The following KCNT2 variants were observed in gnomAD, a reference collection of about 807,000 sequenced individuals.
KCNT2 encodes the protein potassium channel subfamily T member 2.
A neutral mutation model predicts 153.8 loss-of-function variants in KCNT2; 67 were observed. The ratio of observed to expected loss-of-function variants is 0.44; its 90% CI spans 0.36 to 0.53. KCNT2 has a LOEUF of 0.53. Among genes scored for constraint, KCNT2 ranks in the 20% least tolerant of loss-of-function variants. KCNT2 has a pLI of 0.00. For missense variants in KCNT2, 975 were observed against 1,354.8 expected, an observed-to-expected ratio of 0.72 and a Z score of 4.40; for synonymous variants, 500 against 458.8, an observed-to-expected ratio of 1.09 and a Z score of -1.15.
At chr1:196,382,007 T>C (rs1669534029) in intron 13 of KCNT2, among the ~76,000 whole-genome samples, 1 of 152,120 alleles carries the variant, frequency 6.6e-6, no homozygotes, top group Non-Finnish European at 1.5e-5. Context: ...GCATATGTAT[T>C]AAGAGGATAT....
chr1:196,596,740 G>T (rs1558120921), intron 1 of KCNT2, among the ~76,000 whole-genome samples: 1 of 151,996 alleles, frequency 6.6e-6, no homozygotes. Context: ...TTGAGACAGG[G>T]TCTCGTGCTG....
At chr1:196,383,273 G>A (rs1669666348) in intron 13 of KCNT2, among the ~76,000 whole-genome samples, 2 of 152,316 alleles carry the variant, frequency 1.3e-5, no homozygotes, top group South Asian at 4.1e-4. Context: ...CATGCCATAT[G>A]TGATTCACCT....
chr1:196,478,884 C>T (rs1305566399), intron 5 of KCNT2, among the ~76,000 whole-genome samples: 2 of 152,024 alleles, frequency 1.3e-5, no homozygotes, highest in African/African-American at 2.4e-5. Context: ...GTGTACAAAT[C>T]AGAAAAAAAC....
intron 16 of KCNT2, among the ~76,000 whole-genome samples, chr1:196,335,656 C>T (rs186699856): frequency 2.6e-5 from 4 of 152,296 alleles, no homozygotes; most frequent in African/African-American, 9.6e-5. Context: ...AAGCTTCTTC[C>T]TCATTATAAT....
At chr1:196,556,894 T>C (rs769096488) in intron 1 of KCNT2, among the ~76,000 whole-genome samples, 5 of 151,358 alleles carry the variant, frequency 3.3e-5, no homozygotes, top group African/African-American at 1.2e-4. Context: ...AGACAAACAT[T>C]GCATGCTCTT....
chr1:196,386,483 C>T (rs1242215389), intron 13 of KCNT2, among the ~76,000 whole-genome samples: 3 of 152,044 alleles, frequency 2.0e-5, no homozygotes, highest in African/African-American at 7.2e-5. Flanking sequence ...TGTTGACTAC[C>T]ACTATTATTA....
At chr1:196,277,380 T>C (rs1197323513) in intron 25 of KCNT2, among the ~76,000 whole-genome samples, 1 of 152,136 alleles carries the variant, frequency 6.6e-6, no homozygotes, top group Non-Finnish European at 1.5e-5. Context: ...GTTGGTCAGT[T>C]TCCCTAAGAA....
At chr1:196,434,626 C>T (rs1158961281) in intron 8 of KCNT2, among the ~76,000 whole-genome samples, 1 of 151,924 alleles carries the variant, frequency 6.6e-6, no homozygotes, top group Non-Finnish European at 1.5e-5. Context: ...ATGAAGTCTT[C>T]ATATGTTCTA....
intron 26 of KCNT2, among the ~76,000 whole-genome samples, chr1:196,256,285 A>G (rs950645124): frequency 3.3e-5 from 5 of 151,992 alleles, no homozygotes; most frequent in African/African-American, 1.2e-4. Context: ...CTCCCCCCAA[A>G]AAAGCTAACA....
At chr1:196,384,630 G>A (rs1287941397) in intron 13 of KCNT2, among the ~76,000 whole-genome samples, 8 of 150,646 alleles carry the variant, frequency 5.3e-5, no homozygotes. Flanking sequence ...TTGAACCCAG[G>A]AGGCGAAGGT....
intron 22 of KCNT2, among the ~76,000 whole-genome samples, chr1:196,287,744 A>G (rs1353272254): frequency 6.6e-6 from 1 of 152,046 alleles, no homozygotes; most frequent in Non-Finnish European, 1.5e-5. Flanking sequence ...TAGGGCATCA[A>G]TCATCCTCAG....
At chr1:196,374,606 C>T (rs1277101898) in intron 13 of KCNT2, among the ~76,000 whole-genome samples, 3 of 151,702 alleles carry the variant, frequency 2.0e-5, no homozygotes, top group Non-Finnish European at 4.4e-5. Flanking sequence ...TTATTTATTG[C>T]TTTGCAGGAA....
intron 1 of KCNT2, among the ~76,000 whole-genome samples, chr1:196,591,392 C>T (rs921617792): frequency 6.6e-6 from 1 of 152,058 alleles, no homozygotes; most frequent in Non-Finnish European, 1.5e-5. Flanking sequence ...TATAAATCAC[C>T]CAGCCTGAGG....
chr1:196,543,324 A>C (rs1293829356), intron 1 of KCNT2, among the ~76,000 whole-genome samples: 1 of 152,162 alleles, frequency 6.6e-6, no homozygotes, highest in African/African-American at 2.4e-5. Flanking sequence ...AAATCAGAAT[A>C]CTAAAGTTTA....
At chr1:196,438,675 A>G (rs113437927) in intron 8 of KCNT2, among the ~76,000 whole-genome samples, 1 of 151,716 alleles carries the variant, frequency 6.6e-6, no homozygotes, top group African/African-American at 2.4e-5. Context: ...GTATGTCAAC[A>G]TCAGGCTAGT....
At chr1:196,353,220 C>G (rs191106862) in intron 14 of KCNT2, among the ~76,000 whole-genome samples, 1 of 151,922 alleles carries the variant, frequency 6.6e-6, no homozygotes, top group Non-Finnish European at 1.5e-5. Context: ...AAGCAGATGT[C>G]TAACTGGCAA....
chr1:196,417,594 TA>T (rs1332919404), intron 12 of KCNT2, among the ~76,000 whole-genome samples: 2 of 152,262 alleles, frequency 1.3e-5, no homozygotes, highest in Non-Finnish European at 2.9e-5. Flanking sequence ...TATAATCTAC[TA>T]GCTTTCTATT....
intron 13 of KCNT2, among the ~76,000 whole-genome samples, chr1:196,385,793 T>A (rs987290752): frequency 1.1e-4 from 16 of 147,518 alleles, no homozygotes; most frequent in African/African-American, 2.5e-4. Context: ...ATATATATAT[T>A]TTGGATCTGT....
intron 25 of KCNT2, among the ~76,000 whole-genome samples, chr1:196,267,515 T>C (rs35084486): frequency 0.022 from 3,311 of 152,242 alleles, 106 homozygotes; most frequent in African/African-American, 0.075. Context: ...CACACTGAAT[T>C]AGACCCCTTA....
Sources: gnomAD v4.1 joint callset for allele counts (sites outside exome capture counted in the v4.1 genomes callset) on GRCh38, gnomAD v4.1.1 for gene constraint, MANE v1.5 for transcripts, NCBI Gene and HGNC (gene_info 2026-07-23, HGNC 2026-07-21) for gene names.